ESYT3: variants seen among roughly 807,000 people sequenced by gnomAD.
ESYT3 encodes extended synaptotagmin 3, also known as extended synaptotagmin-3.
Under a neutral mutation model 111.5 loss-of-function variants are expected in ESYT3, and 101 were observed. The ratio of observed to expected loss-of-function variants is 0.91; its 90% CI spans 0.77 to 1.07. ESYT3 has a LOEUF of 1.07. Ranked by LOEUF, ESYT3 falls within the 50% of genes least tolerant of loss-of-function variation. The pLI is 0.00. For synonymous variants in ESYT3, 416 were observed against 446.8 expected, an observed-to-expected ratio of 0.93 and a Z score of 0.87; for missense variants, 1,097 against 1,109.4, an observed-to-expected ratio of 0.99 and a Z score of 0.16.
chr3:138,435,119 A>C lies in ESYT3; in HGVS notation c.321A>C (p.Pro107=). 6.3e-7 allele frequency: 1 copy of C among 1,578,080 alleles called. No individual in the cohort carries two copies. The highest frequency in any genetic ancestry group is 8.6e-7 in the Non-Finnish European group (1 of 1,163,336). ...ISRELRGQHL[P]AWIHFPDVER... ...GCGAGCTGCGGGGCCAGCACCTGCC[A>C]GCCTGGGTGAGCCAAGCCGGGTGGG... Residue 107 remains proline (P), a synonymous_variant, in exon 1 of 23, where the codon CCA becomes CCC. Coordinates refer to ENST00000389567, the MANE Select transcript of ESYT3 (RefSeq NM_031913.5). This position sits in a 1 kb window ranked among gnomAD's most constrained non-coding sequence, Gnocchi z 4.8.
chr3:138,471,782 A>G (rs1184312220), intron 17 of ESYT3, among the ~76,000 whole-genome samples: 1 of 151,984 alleles, frequency 6.6e-6, no homozygotes, highest in African/African-American at 2.4e-5. Flanking sequence ...TTTTGTGTAT[A>G]TTTCTTAACT....
rs1237732164 is a variant in ESYT3 at position 138,468,663 on chromosome 3, T to C, written c.1317T>C (p.Gly439=). 18 of 1,613,994 alleles carry C rather than the reference T, an allele frequency of 1.1e-5. No individual in the cohort carries two copies. The Middle Eastern group carries it at 1.8e-3, about 162-fold the overall frequency. ...TDQEVLTEDH[G]GLSTAILVVF... is the part of the protein sequence containing the mutation. ...TCTGTGTCTGTTTGCAGGACCATGG[T>C]GGCCTTTCCACTGCCATTCTCGTGG... Residue 439 remains glycine, a synonymous_variant, in exon 13 of 23, where the codon GGT becomes GGC. Coordinates refer to ENST00000389567, the MANE Select transcript of ESYT3 (RefSeq NM_031913.5).
At chr3:138,444,004 T>C (rs924700795) in intron 1 of ESYT3, among the ~76,000 whole-genome samples, 4 of 152,152 alleles carry the variant, frequency 2.6e-5, no homozygotes, top group Admixed American at 2.6e-4. Flanking sequence ...TGTGGAATCA[T>C]TTTTCCTAGA....
chr3:138,468,560 A>G, intron 12 of ESYT3, 95 bp from the exon 13 acceptor site: 1 of 1,277,540 alleles, frequency 7.8e-7, no homozygotes, highest in Non-Finnish European at 1.1e-6. Context: ...TGTGAAGGCT[A>G]GCTGGCTTTC....
At chr3:138,437,666 A>G (rs1274755947) in intron 1 of ESYT3, among the ~76,000 whole-genome samples, 3 of 152,158 alleles carry the variant, frequency 2.0e-5, no homozygotes, top group Non-Finnish European at 4.4e-5. Context: ...AGAAAGCAGC[A>G]TGGTGGGACG....
At position 138,443,756 on chromosome 3, in the gene ESYT3, G is replaced by GTGTGTGTGTGTGTGTGTGTGTGACT. The variant is rs1553810678; in HGVS notation, c.328-8292_328-8291insTGTGTGTGTGTGTGTGTGTGTGACT. On this transcript the variant is annotated intron_variant, in intron 1 of 22. Transcript: ENST00000389567. ...TGCATCTGTGTGTGTGTGTGTGTGT[G>GTGTGTGTGTGTGTGTGTGTGTGACT]ACATGGCTGCTCCATGGGAGAGCTG... Among the ~76,000 whole-genome samples, 484 of 151,452 alleles carry GTGTGTGTGTGTGTGTGTGTGTGACT rather than the reference G, an allele frequency of 3.2e-3. 7 individuals carry two copies. Among genetic ancestry groups the GTGTGTGTGTGTGTGTGTGTGTGACT allele is most frequent in the East Asian group, 0.017 (85 of 5,122 alleles).
chr3:138,456,519 G>T (rs1198142616), intron 3 of ESYT3, among the ~76,000 whole-genome samples: 1 of 152,158 alleles, frequency 6.6e-6, no homozygotes, highest in Non-Finnish European at 1.5e-5. Context: ...TCTGGTGGTT[G>T]TCTCTATGCC....
At chr3:138,455,051 G>C in intron 2 of ESYT3, 143 bp from the exon 3 acceptor site, 1 of 840,788 alleles carries the variant, frequency 1.2e-6, no homozygotes, top group Non-Finnish European at 1.9e-6. Context: ...AGATGGGTGG[G>C]CAGGCAAGCA....
chr3:138,476,013 C>A (rs539995439), intron 20 of ESYT3, among the ~76,000 whole-genome samples: 1 of 152,314 alleles, frequency 6.6e-6, no homozygotes, highest in African/African-American at 2.4e-5. Flanking sequence ...AGGCAAACAG[C>A]CTCTTAATAC....
chr3:138,469,302 G>C (rs1031441826), intron 14 of ESYT3, 134 bp from the exon 15 acceptor site: 1 of 749,622 alleles, frequency 1.3e-6, no homozygotes, highest in Non-Finnish European at 2.3e-6. Context: ...TGGGGCATTA[G>C]AGTAGCTTTC....
intron 1 of ESYT3, among the ~76,000 whole-genome samples, chr3:138,436,634 A>G (rs1018214877): frequency 2.6e-5 from 4 of 152,196 alleles, no homozygotes; most frequent in African/African-American, 7.2e-5. Context: ...GGGGTAGCGC[A>G]TGGGGCCTGA....
At chr3:138,457,061 G>A (rs1038333314) in intron 3 of ESYT3, among the ~76,000 whole-genome samples, 3 of 151,916 alleles carry the variant, frequency 2.0e-5, no homozygotes, top group South Asian at 4.2e-4. Context: ...CTCCTCACAC[G>A]ACCCTCCTGG....
In ESYT3 at chr3:138,469,441, G is replaced by C. The variant is rs1426229555; in HGVS notation, c.1440G>C (p.Lys480Asn). Residue 480 changes from lysine (K) to asparagine (N), a missense_variant, in exon 15 of 23, where the codon AAG (lysine) becomes AAC (asparagine). Transcript: ENST00000389567. ...AKKLSRFARN[K>N]VSKDPSSYVK... Reference sequence around the variant, plus strand: ...ATGGATTTGATTCCTCACAGAACAAGGTCAGCAAAGACCCTTCTTCCTATG... The same window carrying C: ...ATGGATTTGATTCCTCACAGAACAACGTCAGCAAAGACCCTTCTTCCTATG... 1 of 1,613,640 alleles carries C rather than the reference G, an allele frequency of 6.2e-7. No individual in the cohort carries two copies.
chr3:138,467,511 C>T lies in ESYT3; in HGVS notation c.1170-50C>T, dbSNP rs747950801. 2.3e-5 allele frequency: 37 copies of T among 1,594,796 alleles called. 1 individual carries two copies. In the East Asian group the frequency reaches 7.8e-4, roughly 34 times the overall value. ...CCAGTGTGGGCCTCCATGCCCTCTG[C>T]TGCTTTCTTCCTCTGAGCTGACCCA... is the stretch of plus-strand genomic sequence containing the variant. On this transcript the variant is annotated intron_variant, in intron 10 of 22. Coordinates refer to ENST00000389567, the MANE Select transcript of ESYT3 (RefSeq NM_031913.5).
chr3:138,470,755 C>T, intron 16 of ESYT3, 122 bp from the exon 17 acceptor site: 1 of 1,537,096 alleles, frequency 6.5e-7, no homozygotes, highest in Non-Finnish European at 8.7e-7. Context: ...AGAATAGGAC[C>T]AGATGCCCAT....
At position 138,474,286 on chromosome 3, in the gene ESYT3, G is replaced by A. The variant is rs780343155; in HGVS notation, c.2402G>A (p.Arg801Lys). ...PYVRVYLLPERKWACRKKTSV... is the reference protein window; with the variant it reads ...PYVRVYLLPEKKWACRKKTSV... ...GTCCGTGTCTACTTGTTGCCAGAAA[G>A]GAAGTGGGCATGTCGTAAGAAGACT... The change falls in exon 20 of 23, where the codon AGG (arginine) becomes AAG (lysine). Residue 801 changes from arginine (R) to lysine (K), a missense_variant. Transcript: ENST00000389567. The A allele has an allele frequency of 6.2e-7, 1 of 1,612,586 alleles. No individual in the cohort carries two copies. The highest frequency in any genetic ancestry group is 2.2e-5 in the East Asian group (1 of 44,804).
In ESYT3 at chr3:138,435,865, T is replaced by A. The variant is rs1341524218; in HGVS notation, c.327+740T>A. ...GGTGGCACAGAGGTATCCTGGGTGA[T>A]TCTTATGATTAGGTGAGCTTGGGAA... On this transcript the variant is annotated intron_variant, in intron 1 of 22. Transcript: ENST00000389567. This position sits in a 1 kb window ranked among gnomAD's most constrained non-coding sequence, Gnocchi z 4.8. Among the ~76,000 whole-genome samples, 1 of 152,152 alleles carries A rather than the reference T, an allele frequency of 6.6e-6. No individual in the cohort carries two copies. Among genetic ancestry groups the A allele is most frequent in the Non-Finnish European group, 1.5e-5 (1 of 68,020 alleles).
chr3:138,476,875 C>T lies in ESYT3; in HGVS notation c.*21C>T, dbSNP rs202189596. On this transcript the variant is annotated 3_prime_UTR_variant, in exon 23 of 23. Coordinates refer to ENST00000389567, the MANE Select transcript of ESYT3 (RefSeq NM_031913.5). ...GCTGATGATGAGAATTCTTATCACT[C>T]ACCTTTATATTAAAATGTATATATA... is the stretch of plus-strand genomic sequence containing the variant. 1.1e-4 allele frequency: 176 copies of T among 1,605,672 alleles called. No individual in the cohort carries two copies. The highest frequency in any genetic ancestry group is 1.4e-4 in the Non-Finnish European group (159 of 1,172,636).
At chr3:138,467,452 T>C in intron 10 of ESYT3, 109 bp from the exon 11 acceptor site, 1 of 1,114,058 alleles carries the variant, frequency 9.0e-7, no homozygotes, top group East Asian at 2.4e-5. Flanking sequence ...ATCCTCTGTC[T>C]TAATGGCCGC....
Sources: gnomAD v4.1 joint callset for allele counts (sites outside exome capture counted in the v4.1 genomes callset) on GRCh38, gnomAD v4.1.1 for gene constraint, Gnocchi (gnomAD v3.1) non-coding constraint, MANE v1.5 for transcripts, NCBI Gene and HGNC (gene_info 2026-07-23, HGNC 2026-07-21) for gene names.